The following GNS variants were observed in gnomAD, a reference collection of about 807,000 sequenced individuals.
GNS encodes the protein glucosamine (N-acetyl)-6-sulfatase, also known as N-acetylglucosamine-6-sulfatase.
In GNS, 40 loss-of-function variants were observed where a neutral mutation model predicts 69.7. The observed-to-expected ratio is 0.57, with a 90% CI of 0.45 to 0.75. The LOEUF is 0.75. Ranked by LOEUF, GNS falls within the 30% of genes least tolerant of loss-of-function variation. The pLI, the probability that GNS is intolerant of heterozygous loss-of-function variation, is 0.00. For synonymous variants in GNS, 243 were observed against 251.6 expected, an observed-to-expected ratio of 0.97 and a Z score of 0.32; for missense variants, 565 against 685.5, an observed-to-expected ratio of 0.82 and a Z score of 1.96.
At position 64,713,742 on chromosome 12, in the gene GNS, CACTT is replaced by C. The variant is rs1868778523; in HGVS notation, c.*2995_*2998del. 1 of 152,338 alleles carries C rather than the reference CACTT, an allele frequency of 6.6e-6. No homozygotes were observed. The highest frequency in any genetic ancestry group is 2.4e-5 in the African/African-American group (1 of 41,580). 9.4% of individuals were successfully genotyped at this position (152,338 alleles called of 1,614,324 possible). On this transcript the variant is annotated 3_prime_UTR_variant, in exon 14 of 14. Coordinates refer to ENST00000258145, the MANE Select transcript of GNS (RefSeq NM_002076.4). ...AAAAAGCACTAAACCTTAGTTTAGA[CACTT>C]AATAAGTTTAAGAACACTTCTCACA...
intron 9 of GNS, among the ~76,000 whole-genome samples, chr12:64,734,275 A>T (rs150971661): frequency 2.4e-3 from 363 of 152,308 alleles, no homozygotes; most frequent in South Asian, 9.7e-3. Flanking sequence ...GATGTTCCCC[A>T]GTGTATGTTA....
At chr12:64,742,300 A>T (rs147812934) in intron 6 of GNS, among the ~76,000 whole-genome samples, 2 of 152,200 alleles carry the variant, frequency 1.3e-5, no homozygotes, top group Non-Finnish European at 2.9e-5. Context: ...GATTACAGGC[A>T]TGAGCCACTG....
chr12:64,759,228 G>T lies in GNS; in HGVS notation c.49C>A (p.Arg17Ser). ...GCTGGGCTGCAGGAGGGCAGGTGGC[G>T]GGGGCTGCCCCGCCGGAGCCGACCT... Reference protein sequence around the residue: ...APGRLRRGSPRHLPSCSPALL... With the variant: ...APGRLRRGSPSHLPSCSPALL... The change falls in exon 1 of 14, where the codon CGC (arginine) becomes AGC (serine). Residue 17 changes from arginine to serine, a missense_variant. By Grantham distance (110) the Arg-to-Ser change is moderately radical. Transcript: ENST00000258145. 3.2e-6 allele frequency: 5 copies of T among 1,545,172 alleles called. No individual in the cohort carries two copies. The highest frequency in any genetic ancestry group is 4.4e-6 in the Non-Finnish European group (5 of 1,144,628).
chr12:64,748,614 AG>A (rs1188357697), intron 2 of GNS, among the ~76,000 whole-genome samples: 2 of 152,180 alleles, frequency 1.3e-5, no homozygotes, highest in African/African-American at 4.8e-5. Context: ...GTTCATTTGC[AG>A]GCTGATCTGC....
chr12:64,742,187 A>T (rs1565625322), intron 6 of GNS, among the ~76,000 whole-genome samples: 1 of 151,902 alleles, frequency 6.6e-6, no homozygotes, highest in Admixed American at 6.6e-5. Context: ...CGCCCGGCTA[A>T]TTTTTTGTAC....
At chr12:64,754,509 G>C (rs971072734) in intron 1 of GNS, among the ~76,000 whole-genome samples, 6 of 152,104 alleles carry the variant, frequency 3.9e-5, no homozygotes, top group African/African-American at 9.7e-5. Flanking sequence ...TGTGGTGATG[G>C]AAGCAGCTTA....
At chr12:64,724,313 C>T (rs1289348169) in intron 10 of GNS, among the ~76,000 whole-genome samples, 1 of 152,184 alleles carries the variant, frequency 6.6e-6, no homozygotes, top group Admixed American at 6.5e-5. Context: ...AGACAGCAAC[C>T]TGGGTTTTAG....
chr12:64,739,085 T>C (rs1474526988), intron 8 of GNS, among the ~76,000 whole-genome samples: 1 of 152,178 alleles, frequency 6.6e-6, no homozygotes, highest in Non-Finnish European at 1.5e-5. Context: ...AACCTCCTTT[T>C]GGTCTTCCTA....
chr12:64,753,057 T>C (rs919079875), intron 1 of GNS: 2 of 387,984 alleles, frequency 5.2e-6, no homozygotes, highest in Admixed American at 8.2e-5. Context: ...AGGGCAGACC[T>C]ATCTCCATGA....
intron 13 of GNS, among the ~76,000 whole-genome samples, chr12:64,717,609 C>A (rs953527075): frequency 1.3e-5 from 2 of 151,242 alleles, no homozygotes; most frequent in African/African-American, 2.4e-5. Flanking sequence ...GTGATCTGCC[C>A]GCCTTGGTCT....
chr12:64,748,797 G>A (rs1010209507), intron 2 of GNS, among the ~76,000 whole-genome samples: 37 of 152,080 alleles, frequency 2.4e-4, no homozygotes, highest in African/African-American at 8.0e-4. Context: ...CTTATACTTG[G>A]ACCAGCAGGG....
intron 9 of GNS, among the ~76,000 whole-genome samples, chr12:64,736,427 C>T (rs1166727459): frequency 1.3e-5 from 2 of 152,150 alleles, no homozygotes; most frequent in Admixed American, 1.3e-4. Flanking sequence ...CAAGGTCAGG[C>T]CAGCAGCAGA....
intron 13 of GNS, among the ~76,000 whole-genome samples, chr12:64,717,723 C>A (rs1868911222): frequency 6.6e-6 from 1 of 152,044 alleles, no homozygotes; most frequent in Non-Finnish European, 1.5e-5. Flanking sequence ...AGTTTTGCTG[C>A]CACACCTTAA....
intron 9 of GNS, among the ~76,000 whole-genome samples, chr12:64,730,706 C>T (rs1362377950): frequency 6.6e-6 from 1 of 151,996 alleles, no homozygotes; most frequent in East Asian, 1.9e-4. Flanking sequence ...TTTCCTGGTT[C>T]GAAGACCCCC....
At chr12:64,725,995 C>CAAAAAAAAAAAAAAAAA (rs34734900) in intron 10 of GNS, among the ~76,000 whole-genome samples, 10 of 49,212 alleles carry the variant, frequency 2.0e-4, no homozygotes, top group Admixed American at 3.4e-4. Flanking sequence ...GACTCTGTCT[C>CAAAAAAAAAAAAAAAAA]AAAAAAAAAA....
At chr12:64,724,721 C>T (rs1352347876) in intron 10 of GNS, among the ~76,000 whole-genome samples, 3 of 152,170 alleles carry the variant, frequency 2.0e-5, no homozygotes, top group Non-Finnish European at 4.4e-5. Context: ...ACTAGCTGGG[C>T]ATGGTGGCAC....
At chr12:64,724,738 G>T (rs772601225) in intron 10 of GNS, among the ~76,000 whole-genome samples, 3 of 152,214 alleles carry the variant, frequency 2.0e-5, no homozygotes, top group Non-Finnish European at 4.4e-5. Context: ...GCACACACCT[G>T]TGGTCCCAGC....
rs775667201 is a variant in GNS, at chr12:64,747,879, T to C, written c.292A>G (p.Ile98Val). 4 of 1,611,548 alleles carry C rather than the reference T, an allele frequency of 2.5e-6. No individual in the cohort carries two copies. The highest frequency in any genetic ancestry group is 2.2e-5 in the East Asian group (1 of 44,872). ...SALCCPSRASILTGKYPHNHH... is the reference protein window; with the variant it reads ...SALCCPSRASVLTGKYPHNHH... ...TTATGTGGGTACTTTCCTGTCAGGA[T>C]ACTGGCTCTGCTGGGGCAGCAGAGA... Residue 98 changes from isoleucine (I) to valine (V), a missense_variant, in exon 3 of 14, where the codon ATC becomes GTC. By Grantham distance (29) the Ile-to-Val change is conservative. This residue lies in a region of GNS where 181 missense variants were observed against 174.4 expected (regional missense o/e 1.04). Transcript: ENST00000258145.
intron 6 of GNS, 38 bp from the exon 7 acceptor site, chr12:64,740,726 AC>A: frequency 1.0e-6 from 1 of 955,962 alleles, no homozygotes; most frequent in Non-Finnish European, 1.7e-6. Flanking sequence ...ACACCAAGTC[AC>A]CACAGTCAAA....
Sources: gnomAD v4.1 joint callset for allele counts (sites outside exome capture counted in the v4.1 genomes callset) on GRCh38, gnomAD v4.1.1 for gene constraint, gnomAD v4.1.1 regional missense constraint, MANE v1.5 for transcripts, NCBI Gene and HGNC (gene_info 2026-07-23, HGNC 2026-07-21) for gene names.